The following ERC2 variants were observed in gnomAD, a reference collection of about 807,000 sequenced individuals.
ERC2 encodes the protein ELKS/RAB6-interacting/CAST family member 2.
ERC2 carries 42 observed loss-of-function variants against 114.8 expected under a neutral mutation model. The ratio of observed to expected loss-of-function variants is 0.37; its 90% confidence interval spans 0.29 to 0.47. The LOEUF (loss-of-function observed/expected upper bound fraction) is 0.47, where lower values mean the gene tolerates loss of function less well. Ranked by LOEUF, ERC2 falls within the 20% of genes least tolerant of loss-of-function variation. The pLI is 0.99. For missense variants in ERC2, 939 were observed against 1,150.7 expected, an observed-to-expected ratio of 0.82 and a Z score of 2.66; for synonymous variants, 454 against 425.5, an observed-to-expected ratio of 1.07 and a Z score of -0.82.
chr3:56,347,660 T>C (rs1014144300), intron 2 of ERC2, among the ~76,000 whole-genome samples: 5 of 152,042 alleles, frequency 3.3e-5, no homozygotes, highest in African/African-American at 1.2e-4. Context: ...GTACCAACTC[T>C]CAGAGGTCTG....
intron 3 of ERC2, among the ~76,000 whole-genome samples, chr3:56,265,423 C>A (rs925585441): frequency 6.6e-6 from 1 of 152,036 alleles, no homozygotes; most frequent in Non-Finnish European, 1.5e-5. Flanking sequence ...GAAACTGCAC[C>A]CTTAACTTAC....
At chr3:55,569,112 G>C (rs1427250799) in intron 17 of ERC2, among the ~76,000 whole-genome samples, 1 of 152,034 alleles carries the variant, frequency 6.6e-6, no homozygotes, top group Non-Finnish European at 1.5e-5. Flanking sequence ...AGGGGGAGGG[G>C]CTGCACATTA....
intron 1 of ERC2, among the ~76,000 whole-genome samples, chr3:56,437,107 T>G (rs1021699540): frequency 6.6e-6 from 1 of 152,362 alleles, no homozygotes; most frequent in Middle Eastern, 3.4e-3. Context: ...TCCAGTAAGG[T>G]GATAACAAAT....
At chr3:56,006,587 A>G (rs1399501630) in intron 10 of ERC2, among the ~76,000 whole-genome samples, 1 of 152,110 alleles carries the variant, frequency 6.6e-6, no homozygotes, top group Non-Finnish European at 1.5e-5. Context: ...TGTCTGGGTC[A>G]GAGAAAACAT....
chr3:55,551,751 A>G (rs1480856717), intron 17 of ERC2, among the ~76,000 whole-genome samples: 1 of 152,136 alleles, frequency 6.6e-6, no homozygotes, highest in African/African-American at 2.4e-5. Context: ...GCTTTACTCA[A>G]AGTCCTCCGA....
At chr3:56,409,628 T>C (rs2060865718) in intron 2 of ERC2, among the ~76,000 whole-genome samples, 1 of 151,760 alleles carries the variant, frequency 6.6e-6, no homozygotes, top group African/African-American at 2.4e-5. Context: ...CAGTTGGAGA[T>C]AGGGAGAAAA....
At chr3:55,706,553 C>T (rs555868640) in intron 15 of ERC2, among the ~76,000 whole-genome samples, 1 of 152,066 alleles carries the variant, frequency 6.6e-6, no homozygotes, top group African/African-American at 2.4e-5. Flanking sequence ...CCTTCCACCA[C>T]TCCCAGTTAT....
chr3:55,955,103 A>G, intron 12 of ERC2: 2 of 507,326 alleles, frequency 3.9e-6, no homozygotes, highest in East Asian at 1.1e-4. Flanking sequence ...AGGAATGCCT[A>G]TTTGGATGTA....
At chr3:56,232,852 G>A (rs1436387223) in intron 3 of ERC2, among the ~76,000 whole-genome samples, 1 of 152,302 alleles carries the variant, frequency 6.6e-6, no homozygotes, top group Non-Finnish European at 1.5e-5. Flanking sequence ...AAGAGCACCA[G>A]GGCCTTCTGC....
chr3:56,202,291 C>T (rs2048452204), intron 3 of ERC2, among the ~76,000 whole-genome samples: 1 of 152,116 alleles, frequency 6.6e-6, no homozygotes, highest in Non-Finnish European at 1.5e-5. Flanking sequence ...ACTAATTTCT[C>T]TTAATTATCC....
chr3:55,781,894 C>T (rs1338929513), intron 14 of ERC2, among the ~76,000 whole-genome samples: 2 of 138,342 alleles, frequency 1.4e-5, no homozygotes, highest in Non-Finnish European at 1.5e-5. Context: ...AAAAAAAAAA[C>T]GGAAAAGGAA....
At chr3:55,619,528 T>G (rs952477525) in intron 17 of ERC2, among the ~76,000 whole-genome samples, 3 of 152,180 alleles carry the variant, frequency 2.0e-5, no homozygotes, top group African/African-American at 7.2e-5. Context: ...GTTCCAGATT[T>G]GAGAGATGCA....
intron 14 of ERC2, among the ~76,000 whole-genome samples, chr3:55,826,498 G>A (rs9874792): frequency 4.6e-5 from 7 of 152,026 alleles, no homozygotes; most frequent in African/African-American, 9.7e-5. Context: ...TGTTAACAGC[G>A]TATATATTAT....
chr3:56,419,951 A>G (rs1264597364), intron 2 of ERC2, among the ~76,000 whole-genome samples: 1 of 152,192 alleles, frequency 6.6e-6, no homozygotes, highest in African/African-American at 2.4e-5. Context: ...TTCTAAATTT[A>G]AGCAAGTTCT....
intron 7 of ERC2, among the ~76,000 whole-genome samples, chr3:56,071,814 C>T (rs975046901): frequency 1.3e-5 from 2 of 152,130 alleles, no homozygotes; most frequent in African/African-American, 4.8e-5. Flanking sequence ...CACAAAGGAG[C>T]TTAGTTTTAC....
chr3:55,749,773 C>A (rs2066555251), intron 14 of ERC2, among the ~76,000 whole-genome samples: 1 of 152,170 alleles, frequency 6.6e-6, no homozygotes, highest in African/African-American at 2.4e-5. Context: ...CCCTTCCACG[C>A]TGTGGAAGCT....
chr3:56,102,037 A>G (rs2078388581), intron 6 of ERC2, among the ~76,000 whole-genome samples: 1 of 152,220 alleles, frequency 6.6e-6, no homozygotes, highest in South Asian at 2.1e-4. Flanking sequence ...AACAATTGTT[A>G]CCAGATCTTG....
intron 17 of ERC2, among the ~76,000 whole-genome samples, chr3:55,629,292 C>T (rs1428796303): frequency 6.6e-6 from 1 of 152,198 alleles, no homozygotes; most frequent in Admixed American, 6.5e-5. Context: ...AGCCAGTACA[C>T]GATGAACTCT....
rs371917558 is a variant in ERC2 at position 56,165,014 on chromosome 3, G to T, written c.1149+8432C>A. Reference sequence around the variant, plus strand: ...TTAATTAAAGTATTAATATAAGAAAGTACACAAATCATAGACTTTCAAAAT... The same window carrying T: ...TTAATTAAAGTATTAATATAAGAAATTACACAAATCATAGACTTTCAAAAT... On this transcript the variant is annotated intron_variant, in intron 4 of 17. Transcript: ENST00000288221. Among the ~76,000 whole-genome samples the T allele has an allele frequency of 3.3e-5, 5 of 151,930 alleles. No individual in the cohort carries two copies. In the East Asian group the frequency reaches 9.6e-4, roughly 29 times the overall value.
Sources: gnomAD v4.1 joint callset for allele counts (sites outside exome capture counted in the v4.1 genomes callset) on GRCh38, gnomAD v4.1.1 for gene constraint, MANE v1.5 for transcripts, NCBI Gene and HGNC (gene_info 2026-07-23, HGNC 2026-07-21) for gene names.